Variants in PCDH15 observed in about 807,000 individuals in gnomAD.
PCDH15 encodes the protein protocadherin related 15, also known as protocadherin-15.
A neutral mutation model predicts 178.5 loss-of-function variants in PCDH15; 129 were observed. The ratio of observed to expected loss-of-function variants is 0.72; its 90% CI spans 0.63 to 0.84. The LOEUF (loss-of-function observed/expected upper bound fraction) is 0.84, where lower values mean the gene tolerates loss of function less well. Ranked by LOEUF, PCDH15 falls within the 40% of genes least tolerant of loss-of-function variation. The pLI is 0.00. For missense variants in PCDH15, 2,230 were observed against 2,099.9 expected, an observed-to-expected ratio of 1.06 and a Z score of -1.21; for synonymous variants, 800 against 732.0, an observed-to-expected ratio of 1.09 and a Z score of -1.50.
At position 54,106,546 on chromosome 10, in the gene PCDH15, C is replaced by T. The variant is rs866179913; in HGVS notation, c.1918-16483G>A. ...GTCTGGTCTTTATAAAGCCCAAAAT[C>T]AAGAAACAGCTAAATAGAATGGATA... On this transcript the variant is annotated intron_variant, in intron 15 of 37. Transcript: ENST00000644397. Among the ~76,000 whole-genome samples the T allele has an allele frequency of 5.3e-5, 8 of 152,288 alleles. No homozygotes were observed. In the Middle Eastern group the frequency reaches 0.01, roughly 194 times the overall value.
intron 2 of PCDH15, among the ~76,000 whole-genome samples, chr10:54,616,134 A>T (rs2134327880): frequency 6.6e-6 from 1 of 152,234 alleles, no homozygotes; most frequent in East Asian, 1.9e-4. Context: ...GAAAAAAATT[A>T]AAAATAAAGT....
chr10:54,752,505 ACAAAAAACAAACAAAC>A (rs1425566808), intron 1 of PCDH15, among the ~76,000 whole-genome samples: 1 of 89,762 alleles, frequency 1.1e-5, no homozygotes, highest in Non-Finnish European at 2.5e-5. Flanking sequence ...AAAACAAAAA[ACAAAAAACAAACAAAC>A]AAACAAACAA....
chr10:55,499,350 C>A (rs1330466500), intron 2 of PCDH15, among the ~76,000 whole-genome samples: 1 of 149,720 alleles, frequency 6.7e-6, no homozygotes, highest in Non-Finnish European at 1.5e-5. Flanking sequence ...ATCAACCATC[C>A]TAAAATAATT....
In PCDH15 at chr10:54,371,711, TAACA is replaced by T. The variant is rs141830723; in HGVS notation, c.319-2440_319-2437del. 0.025 allele frequency among the ~76,000 whole-genome samples: 3,724 copies of T among 151,862 alleles called. 206 individuals carry two copies. In the East Asian group the frequency reaches 0.25, roughly 10 times the overall value. Reference sequence around the variant, plus strand: ...TATACCCATAAAAGTTTTTAAAAAATAACAAATAGAGCAGAGATTCTTATCAGTA... The same window carrying T: ...TATACCCATAAAAGTTTTTAAAAAATAATAGAGCAGAGATTCTTATCAGTA... On this transcript the variant is annotated intron_variant, in intron 4 of 37. Coordinates refer to ENST00000644397, the MANE Select transcript of PCDH15 (RefSeq NM_001384140.1).
intron 8 of PCDH15, among the ~76,000 whole-genome samples, chr10:54,252,765 C>T (rs1467386260): frequency 6.7e-6 from 1 of 150,064 alleles, no homozygotes; most frequent in African/African-American, 2.5e-5. Flanking sequence ...AATTATAGAA[C>T]TTTTCTCAGG....
At chr10:54,373,720 A>C (rs1948015792) in intron 4 of PCDH15, among the ~76,000 whole-genome samples, 1 of 152,038 alleles carries the variant, frequency 6.6e-6, no homozygotes. Flanking sequence ...TGAGGTGATC[A>C]TAAATAAAGT....
chr10:55,261,954 A>C (rs1470116587), intron 1 of PCDH15, among the ~76,000 whole-genome samples: 2 of 150,534 alleles, frequency 1.3e-5, no homozygotes, highest in African/African-American at 4.9e-5. Context: ...GAAAGCCTCT[A>C]ATTTCTGCAT....
intron 2 of PCDH15, among the ~76,000 whole-genome samples, chr10:54,623,814 G>A (rs1172924265): frequency 1.3e-5 from 2 of 151,998 alleles, no homozygotes; most frequent in Non-Finnish European, 2.9e-5. Flanking sequence ...TGGTATAGTC[G>A]ACTACTAGTT....
chr10:55,311,922 G>T (rs1367344116), intron 1 of PCDH15, among the ~76,000 whole-genome samples: 1 of 152,142 alleles, frequency 6.6e-6, no homozygotes, highest in Non-Finnish European at 1.5e-5. Context: ...TATTCAGTAT[G>T]TTAGGTGCCA....
chr10:54,875,740 A>G (rs1173485013), intron 3 of PCDH15, among the ~76,000 whole-genome samples: 1 of 152,188 alleles, frequency 6.6e-6, no homozygotes, highest in African/African-American at 2.4e-5. Context: ...AAAAACTGAA[A>G]GAGGTAAGGA....
intron 3 of PCDH15, among the ~76,000 whole-genome samples, chr10:54,399,299 T>C (rs11004276): frequency 0.22 from 33,913 of 151,256 alleles, 5,385 homozygotes; most frequent in East Asian, 0.82. Context: ...AATATAAATA[T>C]AAATAATATA....
At chr10:54,300,413 A>G (rs1591670526) in intron 8 of PCDH15, among the ~76,000 whole-genome samples, 1 of 152,308 alleles carries the variant, frequency 6.6e-6, no homozygotes, top group East Asian at 1.9e-4. Context: ...AGTCTTACAA[A>G]TGGAACCCCA....
At chr10:54,036,264 C>T (rs2093414092) in intron 18 of PCDH15, among the ~76,000 whole-genome samples, 1 of 151,936 alleles carries the variant, frequency 6.6e-6, no homozygotes, top group South Asian at 2.1e-4. Context: ...GTAGATAAAA[C>T]AGTTTTCTAT....
intron 9 of PCDH15, among the ~76,000 whole-genome samples, chr10:54,232,891 C>T (rs2054215491): frequency 7.4e-6 from 1 of 134,668 alleles, no homozygotes; most frequent in Admixed American, 7.3e-5. Flanking sequence ...ACTGTAGTCT[C>T]TATTATTTCT....
intron 5 of PCDH15, among the ~76,000 whole-genome samples, chr10:54,347,725 AGCT>A (rs1943532259): frequency 6.6e-6 from 1 of 152,156 alleles, no homozygotes; most frequent in African/African-American, 2.4e-5. Flanking sequence ...TGCTACTAGT[AGCT>A]GCTACTCAAT....
intron 2 of PCDH15, among the ~76,000 whole-genome samples, chr10:55,115,044 G>T (rs998673260): frequency 1.3e-5 from 2 of 152,116 alleles, no homozygotes; most frequent in Non-Finnish European, 2.9e-5. Context: ...TATAATGCTT[G>T]GTTGAAGAGC....
chr10:54,838,268 G>A (rs570015161), intron 3 of PCDH15, among the ~76,000 whole-genome samples: 4 of 152,196 alleles, frequency 2.6e-5, no homozygotes, highest in Admixed American at 1.3e-4. Context: ...TGTCAAAGGA[G>A]AGACTAGATG....
At chr10:54,349,185 T>A (rs1402920247) in intron 5 of PCDH15, among the ~76,000 whole-genome samples, 1 of 152,186 alleles carries the variant, frequency 6.6e-6, no homozygotes, top group Non-Finnish European at 1.5e-5. Context: ...GGGGTGCCCA[T>A]GCCTTTCAAT....
At chr10:54,916,817 C>T (rs539152468) in intron 2 of PCDH15, among the ~76,000 whole-genome samples, 8 of 152,162 alleles carry the variant, frequency 5.3e-5, no homozygotes, top group African/African-American at 7.2e-5. Context: ...GTGCCATGAC[C>T]GCTGATTCTT....
Sources: gnomAD v4.1 joint callset for allele counts (sites outside exome capture counted in the v4.1 genomes callset) on GRCh38, gnomAD v4.1.1 for gene constraint, MANE v1.5 for transcripts, NCBI Gene and HGNC (gene_info 2026-07-23, HGNC 2026-07-21) for gene names.